The following PABPC4L variants were observed in gnomAD, a reference collection of about 807,000 sequenced individuals.
PABPC4L encodes poly(A) binding protein cytoplasmic 4 like, also known as polyadenylate-binding protein 4-like.
For missense variants in PABPC4L, 452 were observed against 451.4 expected (o/e 1.00, Z -0.01); for synonymous variants, 169 against 164.1 (o/e 1.03, Z -0.23).
the PABPC4L span, among the ~76,000 whole-genome samples, chr4:134,024,624 C>T: frequency 6.6e-6 from 1 of 152,062 alleles, no homozygotes; most frequent in Non-Finnish European, 1.5e-5. Context: ...GGCCCTTTCT[C>T]CAACTCTCTA....
chr4:134,102,063 T>G, the PABPC4L span, among the ~76,000 whole-genome samples: 252 of 151,588 alleles, frequency 1.7e-3, 2 homozygotes, highest in Middle Eastern at 6.8e-3. Context: ...CTTGAAAAGT[T>G]TTATTGTTCC....
the PABPC4L span, among the ~76,000 whole-genome samples, chr4:133,989,253 G>T: frequency 6.6e-6 from 1 of 152,108 alleles, no homozygotes; most frequent in African/African-American, 2.4e-5. Flanking sequence ...TTTCTCCTCA[G>T]AAAATGGGTT....
chr4:134,101,967 A>G, the PABPC4L span, among the ~76,000 whole-genome samples: 2 of 151,500 alleles, frequency 1.3e-5, no homozygotes, highest in Non-Finnish European at 3.0e-5. Flanking sequence ...GCTTTGTCTC[A>G]TTTTATAGAA....
At chr4:133,952,299 T>C in the PABPC4L span, among the ~76,000 whole-genome samples, 1 of 152,102 alleles carries the variant, frequency 6.6e-6, no homozygotes, top group African/African-American at 2.4e-5. Flanking sequence ...GCAAAGAGTG[T>C]CCTAATCTTA....
chr4:134,016,764 C>T, the PABPC4L span, among the ~76,000 whole-genome samples: 1 of 152,092 alleles, frequency 6.6e-6, no homozygotes, highest in Non-Finnish European at 1.5e-5. Flanking sequence ...ATTTCCTTTC[C>T]ATCCTGGAAA....
chr4:134,067,223 T>C, the PABPC4L span, among the ~76,000 whole-genome samples: 1 of 152,100 alleles, frequency 6.6e-6, no homozygotes, highest in Admixed American at 6.6e-5. Context: ...GTAGTTAGTC[T>C]GTTCAGGAAT....
At chr4:133,951,503 G>A in the PABPC4L span, among the ~76,000 whole-genome samples, 1 of 152,234 alleles carries the variant, frequency 6.6e-6, no homozygotes, top group South Asian at 2.1e-4. Context: ...TCTACCAGCA[G>A]GGCCTTGGCA....
chr4:134,015,190 G>A, the PABPC4L span, among the ~76,000 whole-genome samples: 2 of 152,048 alleles, frequency 1.3e-5, no homozygotes, highest in East Asian at 1.9e-4. Context: ...AAAGATTAAA[G>A]CCTGTTATCA....
At chr4:134,094,019 A>G in the PABPC4L span, among the ~76,000 whole-genome samples, 1 of 151,900 alleles carries the variant, frequency 6.6e-6, no homozygotes, top group Non-Finnish European at 1.5e-5. Context: ...TCAATCAGCC[A>G]TGATGCATGC....
the PABPC4L span, among the ~76,000 whole-genome samples, chr4:134,186,309 C>T: frequency 2.0e-3 from 309 of 152,168 alleles, 1 homozygote; most frequent in Non-Finnish European, 3.5e-3. Flanking sequence ...GCTACAGTAA[C>T]CAAAACAGCA....
chr4:133,995,678 G>A, the PABPC4L span, among the ~76,000 whole-genome samples: 31 of 152,182 alleles, frequency 2.0e-4, no homozygotes, highest in African/African-American at 7.2e-4. Flanking sequence ...GCATAGGTTT[G>A]GGAAGCCAAA....
chr4:134,199,024 C>A lies in PABPC4L; in HGVS notation c.*883G>T, dbSNP rs1223975307. On this transcript the variant is annotated 3_prime_UTR_variant, in exon 2 of 2. Coordinates refer to ENST00000421491, the MANE Select transcript of PABPC4L (RefSeq NM_001114734.2). ...AAAAGAGATTTTAAAAGTTTTTAAA[C>A]AGAATTTCTATAATCTGTATGTATG... The A allele has an allele frequency of 6.6e-6, 1 of 151,922 alleles. No homozygotes were observed. The highest frequency in any genetic ancestry group is 2.4e-5 in the African/African-American group (1 of 41,414). 9.4% of individuals were successfully genotyped at this position (151,922 alleles called of 1,614,324 possible).
At chr4:134,104,013 G>A in the PABPC4L span, among the ~76,000 whole-genome samples, 1 of 147,834 alleles carries the variant, frequency 6.8e-6, no homozygotes, top group Non-Finnish European at 1.5e-5. Context: ...AGGTACAACT[G>A]TTTTCCACAT....
At chr4:134,136,935 C>T in the PABPC4L span, among the ~76,000 whole-genome samples, 8 of 151,976 alleles carry the variant, frequency 5.3e-5, no homozygotes, top group African/African-American at 1.4e-4. Flanking sequence ...TCCCTTAGAA[C>T]GGATGATGAG....
chr4:134,061,263 T>TA, the PABPC4L span, among the ~76,000 whole-genome samples: 6 of 151,272 alleles, frequency 4.0e-5, no homozygotes, highest in East Asian at 7.8e-4. Context: ...TATGAGTGTT[T>TA]AAAAAAAACC....
At chr4:134,015,534 G>C in the PABPC4L span, among the ~76,000 whole-genome samples, 321 of 152,200 alleles carry the variant, frequency 2.1e-3, 2 homozygotes, top group African/African-American at 7.3e-3. Flanking sequence ...CTGCTGCAAG[G>C]CTTCACAGAC....
chr4:134,104,493 T>C, the PABPC4L span, among the ~76,000 whole-genome samples: 1 of 150,390 alleles, frequency 6.6e-6, no homozygotes. Flanking sequence ...CCATATGCCA[T>C]ATAAGCTTGG....
At chr4:133,958,771 A>G in the PABPC4L span, among the ~76,000 whole-genome samples, 1 of 152,302 alleles carries the variant, frequency 6.6e-6, no homozygotes, top group South Asian at 2.1e-4. Context: ...TTCACTTACT[A>G]TCACAAGAAC....
the PABPC4L span, among the ~76,000 whole-genome samples, chr4:134,043,035 G>C: frequency 6.6e-6 from 1 of 151,878 alleles, no homozygotes; most frequent in Admixed American, 6.6e-5. Flanking sequence ...GAAATCTCTG[G>C]GATTCTAGAA....
Sources: gnomAD v4.1 joint callset for allele counts (sites outside exome capture counted in the v4.1 genomes callset) on GRCh38, gnomAD v4.1.1 for gene constraint, MANE v1.5 for transcripts, NCBI Gene and HGNC (gene_info 2026-07-23, HGNC 2026-07-21) for gene names.